ASCC1: variants seen among roughly 807,000 people sequenced by gnomAD.
ASCC1 encodes activating signal cointegrator 1 complex subunit 1.
Under a neutral mutation model 46.6 loss-of-function variants are expected in ASCC1, and 35 were observed. That is an observed-to-expected ratio of 0.75 (90% CI 0.57 to 0.99). The LOEUF (loss-of-function observed/expected upper bound fraction) is 0.99, where lower values mean the gene tolerates loss of function less well. Ranked by LOEUF, ASCC1 falls within the 50% of genes least tolerant of loss-of-function variation. ASCC1 has a pLI of 0.00. For missense variants in ASCC1, 376 were observed against 428.7 expected (o/e 0.88, Z 1.09); for synonymous variants, 143 against 146.6 (o/e 0.98, Z 0.18).
At chr10:72,099,914 A>G (rs1320249567) in intron 9 of ASCC1, among the ~76,000 whole-genome samples, 5 of 152,184 alleles carry the variant, frequency 3.3e-5, no homozygotes, top group Non-Finnish European at 7.3e-5. Flanking sequence ...ATATCTTGTA[A>G]ACTGTAAAGT....
At chr10:72,167,027 G>A (rs1482793942) in intron 5 of ASCC1, among the ~76,000 whole-genome samples, 1 of 152,032 alleles carries the variant, frequency 6.6e-6, no homozygotes, top group Non-Finnish European at 1.5e-5. Flanking sequence ...AAACAGTTTG[G>A]CAGTTACTCA....
chr10:72,208,967 C>T (rs897020486), intron 3 of ASCC1, among the ~76,000 whole-genome samples: 13 of 152,180 alleles, frequency 8.5e-5, no homozygotes, highest in African/African-American at 2.9e-4. Context: ...AGTTCAAGAC[C>T]GGCCTGGGCA....
intron 6 of ASCC1, among the ~76,000 whole-genome samples, chr10:72,155,286 A>T (rs1848824180): frequency 6.6e-6 from 1 of 152,240 alleles, no homozygotes; most frequent in Non-Finnish European, 1.5e-5. Flanking sequence ...AATTTTAAAA[A>T]ATATCCAAAA....
At chr10:72,117,564 T>C (rs1843640102) in intron 9 of ASCC1, among the ~76,000 whole-genome samples, 1 of 152,344 alleles carries the variant, frequency 6.6e-6, no homozygotes, top group East Asian at 1.9e-4. Context: ...CAGTCTTTGA[T>C]TAAATATGCA....
chr10:72,184,098 T>A lies in ASCC1; in HGVS notation c.489+12713A>T, dbSNP rs982109002. ...GGCGGAGGTTGCAGTGAGCCGAGAC[T>A]GCACCACTGCACTCCAGCCTGGGTA... On this transcript the variant is annotated intron_variant, in intron 5 of 9. Coordinates refer to ENST00000672957, the MANE Select transcript of ASCC1 (RefSeq NM_001198800.3). Among the ~76,000 whole-genome samples the A allele has an allele frequency of 2.0e-5, 3 of 151,594 alleles. No homozygotes were observed. The East Asian group carries it at 5.8e-4, about 29-fold the overall frequency.
intron 5 of ASCC1, among the ~76,000 whole-genome samples, chr10:72,162,164 AT>A (rs1184723693): frequency 2.0e-5 from 3 of 151,958 alleles, no homozygotes; most frequent in Non-Finnish European, 4.4e-5. Context: ...TAATATTTTT[AT>A]TTTTTAATTA....
intron 7 of ASCC1, among the ~76,000 whole-genome samples, chr10:72,140,988 C>T (rs1397287639): frequency 6.6e-6 from 1 of 151,910 alleles, no homozygotes; most frequent in Non-Finnish European, 1.5e-5. Context: ...TACTAATTAC[C>T]ACTAACCTGG....
chr10:72,163,040 G>C (rs992862718), intron 5 of ASCC1, among the ~76,000 whole-genome samples: 1 of 152,008 alleles, frequency 6.6e-6, no homozygotes, highest in Non-Finnish European at 1.5e-5. Context: ...AACATCATTA[G>C]TCACTTAGGG....
chr10:72,139,263 G>A (rs947050088), intron 7 of ASCC1, among the ~76,000 whole-genome samples: 1 of 151,672 alleles, frequency 6.6e-6, no homozygotes, highest in South Asian at 2.1e-4. Context: ...ACAGATGCCC[G>A]CCACCACGCC....
At chr10:72,192,839 T>G (rs1344611232) in intron 5 of ASCC1, among the ~76,000 whole-genome samples, 1 of 152,112 alleles carries the variant, frequency 6.6e-6, no homozygotes, top group Non-Finnish European at 1.5e-5. Flanking sequence ...ACAGACACCT[T>G]ACCAAAGATA....
In ASCC1 at chr10:72,096,114, CAACTT is replaced by C; in HGVS notation, c.*1215_*1219del. 1 of 454,062 alleles carries C rather than the reference CAACTT, an allele frequency of 2.2e-6. No individual in the cohort carries two copies. 28.1% of individuals were successfully genotyped at this position (454,062 alleles called of 1,614,324 possible). A position where few individuals can be genotyped will look rare whatever the true frequency, so the allele number is the denominator to read the frequency against. On this transcript the variant is annotated 3_prime_UTR_variant, in exon 10 of 10. Coordinates refer to ENST00000672957, the MANE Select transcript of ASCC1 (RefSeq NM_001198800.3). ...GTTAGACACAGTCCTCACAATGTAG[CAACTT>C]AACACAGAGTTCAGAAGTGCAGTTA...
chr10:72,133,095 G>T lies in ASCC1; in HGVS notation c.833C>A (p.Ala278Asp). 1 of 1,613,928 alleles carries T rather than the reference G, an allele frequency of 6.2e-7. No individual in the cohort carries two copies. The highest frequency in any genetic ancestry group is 8.5e-7 in the Non-Finnish European group (1 of 1,179,778). ...CCTGAATAGTGTATTCATAACTGTA[G>T]CATGCAGTTTCACACTATTCCACTC... ...VKEWNSVKLH[A>D]TVMNTLFRKD... The change falls in exon 8 of 10, where the codon GCT becomes GAT. Residue 278 changes from alanine to aspartate, a missense_variant. By Grantham distance (126) the Ala-to-Asp change is moderately radical. Transcript: ENST00000672957.
intron 5 of ASCC1, among the ~76,000 whole-genome samples, chr10:72,187,238 C>T (rs72806290): frequency 1.3e-5 from 2 of 152,282 alleles, no homozygotes; most frequent in Non-Finnish European, 2.9e-5. Flanking sequence ...ATATTAACAT[C>T]CACATATATG....
chr10:72,127,087 G>A (rs1331500598), intron 9 of ASCC1, among the ~76,000 whole-genome samples: 1 of 152,088 alleles, frequency 6.6e-6, no homozygotes, highest in Non-Finnish European at 1.5e-5. Context: ...GGGAATGGAG[G>A]GTGGAATAGG....
intron 6 of ASCC1, among the ~76,000 whole-genome samples, chr10:72,157,324 G>C (rs1443276339): frequency 6.6e-6 from 1 of 152,034 alleles, no homozygotes; most frequent in Admixed American, 6.6e-5. Flanking sequence ...TCAAAATGAA[G>C]TCAAAAAAGT....
chr10:72,189,055 C>T (rs1012766529), intron 5 of ASCC1, among the ~76,000 whole-genome samples: 1 of 152,044 alleles, frequency 6.6e-6, no homozygotes, highest in African/African-American at 2.4e-5. Context: ...CCTCATCCAG[C>T]GTGTCTCTCA....
intron 5 of ASCC1, among the ~76,000 whole-genome samples, chr10:72,176,007 TAAC>T (rs1294818670): frequency 6.6e-6 from 1 of 152,230 alleles, no homozygotes. Flanking sequence ...ATTACAATTA[TAAC>T]AACAATAACA....
intron 9 of ASCC1, among the ~76,000 whole-genome samples, chr10:72,106,753 T>C (rs1678613): frequency 0.53 from 81,063 of 151,974 alleles, 23,714 homozygotes; most frequent in African/African-American, 0.79. Context: ...ATTGCTATGA[T>C]ATAAACCAGA....
intron 8 of ASCC1, among the ~76,000 whole-genome samples, chr10:72,131,327 G>A (rs1302737946): frequency 1.3e-5 from 2 of 152,098 alleles, no homozygotes; most frequent in Non-Finnish European, 2.9e-5. Flanking sequence ...GCTGAGGCAG[G>A]AGAATTGCTT....
Sources: allele counts gnomAD v4.1 joint callset (sites outside exome capture counted in the v4.1 genomes callset), GRCh38; gene constraint gnomAD v4.1.1; transcripts MANE v1.5; gene names NCBI Gene and HGNC (gene_info 2026-07-23, HGNC 2026-07-21).